The following YES1 variants were observed in gnomAD, a reference collection of about 807,000 sequenced individuals.
The protein encoded by YES1 is tyrosine-protein kinase Yes.
In YES1, 39 loss-of-function variants were observed where a neutral mutation model predicts 70.4. The observed-to-expected ratio is 0.55, with a 90% CI of 0.43 to 0.72. The LOEUF (loss-of-function observed/expected upper bound fraction) is 0.72, where lower values mean the gene tolerates loss of function less well. Ranked by LOEUF, YES1 falls within the 30% of genes least tolerant of loss-of-function variation. The pLI, the probability that YES1 is intolerant of heterozygous loss-of-function variation, is 0.00. For synonymous variants in YES1, 198 were observed against 218.6 expected, an observed-to-expected ratio of 0.91 and a Z score of 0.83; for missense variants, 495 against 644.8, an observed-to-expected ratio of 0.77 and a Z score of 2.52.
intron 1 of YES1, among the ~76,000 whole-genome samples, chr18:804,834 A>C (rs1319371011): frequency 7.1e-6 from 1 of 141,726 alleles, no homozygotes; most frequent in Non-Finnish European, 1.5e-5. Context: ...GAATCACTTG[A>C]ACCCAGGAGG....
chr18:804,944 C>T (rs1907024138), intron 1 of YES1, among the ~76,000 whole-genome samples: 1 of 136,490 alleles, frequency 7.3e-6, no homozygotes, highest in Admixed American at 7.5e-5. Context: ...AAAAACCTAG[C>T]ATAGTAGTAT....
chr18:802,195 G>C (rs985281340), intron 1 of YES1, among the ~76,000 whole-genome samples: 2 of 152,150 alleles, frequency 1.3e-5, no homozygotes, highest in African/African-American at 4.8e-5. Flanking sequence ...GCTGTAATGA[G>C]CTATGATCAT....
intron 11 of YES1, among the ~76,000 whole-genome samples, chr18:726,781 C>CAAAAAAAAAAAAAAAAAAAAAAAAAA (rs58322434): frequency 2.1e-5 from 1 of 47,232 alleles, no homozygotes; most frequent in African/African-American, 8.7e-5. Flanking sequence ...ACTCTTGTCT[C>CAAAAAAAAAAAAAAAAAAAAAAAAAA]AAAAAAAAAA....
intron 1 of YES1, among the ~76,000 whole-genome samples, chr18:786,700 C>T (rs1412269394): frequency 2.0e-5 from 3 of 152,020 alleles, no homozygotes; most frequent in Non-Finnish European, 4.4e-5. Context: ...CTAAGAGCCA[C>T]CTGAATAAGA....
At chr18:757,375 C>A (rs1004772674) in intron 1 of YES1, among the ~76,000 whole-genome samples, 2 of 151,866 alleles carry the variant, frequency 1.3e-5, no homozygotes, top group Admixed American at 6.6e-5. Flanking sequence ...TGGTGGTGGG[C>A]GCCTGTAGTC....
Position 726,610 on chromosome 18 carries a change from T to C in YES1, c.1424-1978A>G, listed in dbSNP as rs559332025. Among the ~76,000 whole-genome samples, 3 of 150,308 alleles carry C rather than the reference T, an allele frequency of 2.0e-5. No individual in the cohort carries two copies. The South Asian group carries it at 6.3e-4, about 32-fold the overall frequency. On this transcript the variant is annotated intron_variant, in intron 11 of 11. Coordinates refer to ENST00000314574, the MANE Select transcript of YES1 (RefSeq NM_005433.4). ...GCCTGGCCAACATGGCGAAACCCCC[T>C]CTCTACTAAAAATATAAAAACTAAC...
chr18:764,035 G>A (rs1329054526), intron 1 of YES1, among the ~76,000 whole-genome samples: 1 of 151,422 alleles, frequency 6.6e-6, no homozygotes, highest in African/African-American at 2.4e-5. Flanking sequence ...CAGGAGAATG[G>A]CATGAACCCG....
chr18:760,182 C>G (rs1458795974), intron 1 of YES1, among the ~76,000 whole-genome samples: 1 of 151,956 alleles, frequency 6.6e-6, no homozygotes. Flanking sequence ...TTAAAGCATA[C>G]AGGGGGACTG....
intron 3 of YES1, among the ~76,000 whole-genome samples, chr18:751,317 C>T (rs536345846): frequency 1.7e-3 from 254 of 152,030 alleles, no homozygotes; most frequent in African/African-American, 5.6e-3. Flanking sequence ...GGGTTCCTTA[C>T]CCAACTTTCT....
At chr18:806,392 T>C (rs1041152752) in intron 1 of YES1, among the ~76,000 whole-genome samples, 1 of 152,208 alleles carries the variant, frequency 6.6e-6, no homozygotes, top group African/African-American at 2.4e-5. Context: ...AATCACCTTC[T>C]AGAACAAAAC....
chr18:727,085 C>T (rs879127039), intron 11 of YES1, among the ~76,000 whole-genome samples: 4 of 152,080 alleles, frequency 2.6e-5, no homozygotes, highest in Admixed American at 6.5e-5. Context: ...ATCTACAAAT[C>T]GTTTATATTC....
intron 1 of YES1, among the ~76,000 whole-genome samples, chr18:766,800 G>A (rs1904932085): frequency 6.6e-6 from 1 of 151,892 alleles, no homozygotes; most frequent in South Asian, 2.1e-4. Context: ...TCTTCTTTCT[G>A]TTATGTTCTG....
At chr18:806,738 A>G (rs1254520245) in intron 1 of YES1, among the ~76,000 whole-genome samples, 1 of 152,242 alleles carries the variant, frequency 6.6e-6, no homozygotes, top group East Asian at 1.9e-4. Flanking sequence ...GAGCACAAAG[A>G]GGTCATAACA....
At chr18:811,185 T>C (rs1276856889) in intron 1 of YES1, among the ~76,000 whole-genome samples, 2 of 152,222 alleles carry the variant, frequency 1.3e-5, no homozygotes, top group East Asian at 1.9e-4. Flanking sequence ...CCGTGGAACG[T>C]ATATACATAA....
chr18:792,018 A>G (rs1906278465), intron 1 of YES1, among the ~76,000 whole-genome samples: 2 of 152,180 alleles, frequency 1.3e-5, no homozygotes, highest in Admixed American at 1.3e-4. Flanking sequence ...GTGCTCATCT[A>G]TTATACTGGA....
chr18:764,826 G>A (rs1434709576), intron 1 of YES1, among the ~76,000 whole-genome samples: 1 of 151,766 alleles, frequency 6.6e-6, no homozygotes, highest in African/African-American at 2.4e-5. Context: ...TCCGCCTCCT[G>A]GGTTCATGCG....
chr18:738,723 A>T (rs865829370), intron 9 of YES1: 1 of 150,816 alleles, frequency 6.6e-6, no homozygotes, highest in Non-Finnish European at 1.5e-5. Context: ...TTCAGCATAC[A>T]CTTTAGATTA....
intron 1 of YES1, among the ~76,000 whole-genome samples, chr18:794,187 T>G (rs990040309): frequency 6.6e-6 from 1 of 152,238 alleles, no homozygotes; most frequent in Non-Finnish European, 1.5e-5. Flanking sequence ...AATAGTAGGA[T>G]AGACTAACAC....
chr18:762,257 C>CTGCGGTGAGCCGAGAT (rs1301764316), intron 1 of YES1, among the ~76,000 whole-genome samples: 2 of 152,120 alleles, frequency 1.3e-5, no homozygotes, highest in African/African-American at 4.8e-5. Context: ...GAGGCAGAGG[C>CTGCGGTGAGCCGAGAT]TGCGGTGAGC....
Sources: gnomAD v4.1 joint callset for allele counts (sites outside exome capture counted in the v4.1 genomes callset) on GRCh38, gnomAD v4.1.1 for gene constraint, MANE v1.5 for transcripts, NCBI Gene and HGNC (gene_info 2026-07-23, HGNC 2026-07-21) for gene names.